TNS3: variants seen among roughly 807,000 people sequenced by gnomAD.
TNS3 encodes the protein tensin 3, also known as tensin-3.
In TNS3, 45 loss-of-function variants were observed where a neutral mutation model predicts 140.9. The observed-to-expected ratio is 0.32, with a 90% CI of 0.25 to 0.41. The LOEUF is 0.41. Among genes scored for constraint, TNS3 ranks in the 10% least tolerant of loss-of-function variants. The pLI, the probability that TNS3 is intolerant of heterozygous loss-of-function variation, is 1.00. For synonymous variants in TNS3, 815 were observed against 788.4 expected (o/e 1.03, Z -0.56); for missense variants, 1,716 against 1,906.7 (o/e 0.90, Z 1.86).
chr7:47,460,384 C>T (rs1359525134), intron 4 of TNS3, among the ~76,000 whole-genome samples: 2 of 152,196 alleles, frequency 1.3e-5, no homozygotes, highest in African/African-American at 4.8e-5. Context: ...GCCTCCAGGA[C>T]TGAGGGTGAT....
chr7:47,534,664 T>TA (rs1799537852), intron 1 of TNS3, among the ~76,000 whole-genome samples: 1 of 152,202 alleles, frequency 6.6e-6, no homozygotes, highest in Non-Finnish European at 1.5e-5. Flanking sequence ...ACTGTAAGTA[T>TA]CTATATACAT....
chr7:47,481,235 T>A, intron 3 of TNS3, 94 bp from the exon 4 acceptor site: 1 of 947,084 alleles, frequency 1.1e-6, no homozygotes, highest in South Asian at 1.4e-5. Context: ...TGAATGAAAC[T>A]GTCTCTAACC....
chr7:47,482,995 C>A (rs75744801), intron 3 of TNS3, among the ~76,000 whole-genome samples: 2 of 151,948 alleles, frequency 1.3e-5, no homozygotes, highest in Non-Finnish European at 2.9e-5. Context: ...TAAGGATGGA[C>A]GCACGTCATT....
intron 20 of TNS3, among the ~76,000 whole-genome samples, chr7:47,305,276 A>AG (rs1199092324): frequency 6.6e-6 from 1 of 152,180 alleles, no homozygotes; most frequent in Non-Finnish European, 1.5e-5. Context: ...CATTACCACG[A>AG]GCTGGTCATG....
chr7:47,471,401 G>A (rs759201657), intron 4 of TNS3, among the ~76,000 whole-genome samples: 12 of 152,182 alleles, frequency 7.9e-5, no homozygotes, highest in Non-Finnish European at 1.3e-4. Flanking sequence ...CTGAAGGGCA[G>A]CCGTCCTGGG....
Position 47,304,995 on chromosome 7 carries a change from T to C in TNS3, c.2659A>G (p.Ser887Gly), listed in dbSNP as rs368195055. Residue 887 changes from serine to glycine, a missense_variant, in exon 21 of 31, where the codon AGC (serine) becomes GGC (glycine). Physicochemically the swap from Ser to Gly is moderately conservative, Grantham distance 56. Around this residue, in one of 3 missense-constraint regions of TNS3, gnomAD observed 1,163 missense variants for 1,182.1 expected, o/e 0.98. Coordinates refer to ENST00000311160, the MANE Select transcript of TNS3 (RefSeq NM_022748.12). ...GCGTGAGTGAGCGTCTCAGGGCAGC[T>C]TCGTGGTTCTGTAGCGGGAACACAG... is the stretch of plus-strand genomic sequence containing the variant. ...SQHKGGREPR[S>G]CPETLTHAVG... is the part of the protein sequence containing the mutation. 1.3e-5 allele frequency: 17 copies of C among 1,352,884 alleles called. No homozygotes were observed. In the African/African-American group the frequency reaches 2.1e-4, roughly 17 times the overall value. The allele number at this position is 1,352,884 out of a possible 1,614,324, so 83.8% of individuals were successfully genotyped here.
intron 15 of TNS3, among the ~76,000 whole-genome samples, chr7:47,398,003 C>T (rs185975140): frequency 1.3e-5 from 2 of 152,012 alleles, no homozygotes; most frequent in South Asian, 2.1e-4. Flanking sequence ...ACAACCAGCA[C>T]GAAAGATCAT....
chr7:47,450,696 G>A (rs975326470), intron 4 of TNS3, among the ~76,000 whole-genome samples: 4 of 152,206 alleles, frequency 2.6e-5, no homozygotes, highest in Admixed American at 6.5e-5. Flanking sequence ...AGCCCAGGCT[G>A]GCCAAAGAAG....
chr7:47,534,140 G>A (rs1275020423), intron 1 of TNS3, among the ~76,000 whole-genome samples: 1 of 152,040 alleles, frequency 6.6e-6, no homozygotes, highest in Non-Finnish European at 1.5e-5. Context: ...TGGGCGTGGT[G>A]GCGGGCACCC....
chr7:47,406,758 C>T (rs1205449303), intron 13 of TNS3, among the ~76,000 whole-genome samples: 3 of 152,188 alleles, frequency 2.0e-5, no homozygotes, highest in Non-Finnish European at 4.4e-5. Context: ...AAACCACCTG[C>T]ATATCTGAAC....
At chr7:47,347,935 G>A (rs1002783504) in intron 17 of TNS3, among the ~76,000 whole-genome samples, 3 of 152,154 alleles carry the variant, frequency 2.0e-5, no homozygotes, top group Non-Finnish European at 4.4e-5. Context: ...GCATATCTGA[G>A]AGTCCTACTC....
chr7:47,318,370 G>A (rs530555836), intron 20 of TNS3, among the ~76,000 whole-genome samples: 58 of 152,158 alleles, frequency 3.8e-4, no homozygotes, highest in South Asian at 3.7e-3. Context: ...TTGACTTTGC[G>A]AACAGTTACA....
intron 4 of TNS3, among the ~76,000 whole-genome samples, chr7:47,443,929 AAAC>A (rs969898579): frequency 5.9e-5 from 9 of 152,316 alleles, no homozygotes; most frequent in African/African-American, 2.2e-4. Context: ...CCAAACAAAT[AAAC>A]AACAAAAAAA....
intron 20 of TNS3, among the ~76,000 whole-genome samples, chr7:47,324,020 A>G (rs1290195121): frequency 1.3e-5 from 2 of 152,238 alleles, no homozygotes. Flanking sequence ...TGATGTTGGC[A>G]TGTGTTATAA....
rs1784919917 is a variant in TNS3, at chr7:47,277,521, G to C, written c.*555C>G. On this transcript the variant is annotated 3_prime_UTR_variant, in exon 31 of 31. Coordinates refer to ENST00000311160, the MANE Select transcript of TNS3 (RefSeq NM_022748.12). Reference sequence around the variant, plus strand: ...AAGGCCCCTCGTTGTAGGCCCTGCTGTGTTCCAGAAGGGCCTGACTTGCAC... The same window carrying C: ...AAGGCCCCTCGTTGTAGGCCCTGCTCTGTTCCAGAAGGGCCTGACTTGCAC... 5.5e-6 allele frequency: 1 copy of C among 180,782 alleles called. No individual in the cohort carries two copies. Among genetic ancestry groups the C allele is most frequent in the African/African-American group, 2.4e-5 (1 of 41,914 alleles). 11.2% of individuals were successfully genotyped at this position (180,782 alleles called of 1,614,324 possible).
At chr7:47,428,775 G>A (rs1794784497) in intron 8 of TNS3, among the ~76,000 whole-genome samples, 1 of 152,232 alleles carries the variant, frequency 6.6e-6, no homozygotes, top group Non-Finnish European at 1.5e-5. Context: ...AATGATCAGG[G>A]CTGCAAACAC....
At chr7:47,439,383 G>A in intron 6 of TNS3, 104 bp downstream of exon 6, 1 of 1,315,100 alleles carries the variant, frequency 7.6e-7, no homozygotes, top group South Asian at 1.4e-5. Flanking sequence ...CCAGGCCCTT[G>A]AGCTTCTCCC....
At chr7:47,462,816 G>T (rs192431162) in intron 4 of TNS3, among the ~76,000 whole-genome samples, 2 of 152,092 alleles carry the variant, frequency 1.3e-5, no homozygotes, top group African/African-American at 4.8e-5. Flanking sequence ...ATTCCTCCCC[G>T]CTGTGCCTCT....
At chr7:47,287,614 A>G (rs769158631) in intron 27 of TNS3, among the ~76,000 whole-genome samples, 9 of 152,200 alleles carry the variant, frequency 5.9e-5, no homozygotes, top group South Asian at 2.1e-4. Context: ...CCTGCAGCCA[A>G]TCCTCCAGGT....
Sources: allele counts gnomAD v4.1 joint callset (sites outside exome capture counted in the v4.1 genomes callset), GRCh38; gene constraint gnomAD v4.1.1; regional missense constraint gnomAD v4.1.1; transcripts MANE v1.5; gene names NCBI Gene and HGNC (gene_info 2026-07-23, HGNC 2026-07-21).